MAN2A1: variants seen among roughly 807,000 people sequenced by gnomAD.
The protein encoded by MAN2A1 is mannosidase alpha class 2A member 1, also known as alpha-mannosidase 2.
Under a neutral mutation model 142.6 loss-of-function variants are expected in MAN2A1, and 76 were observed. That is an observed-to-expected ratio of 0.53 (90% CI 0.44 to 0.65). MAN2A1 has a LOEUF of 0.65. Ranked by LOEUF, MAN2A1 falls within the 30% of genes least tolerant of loss-of-function variation. MAN2A1 has a pLI of 0.00. For missense variants in MAN2A1, 1,311 were observed against 1,365.1 expected, an observed-to-expected ratio of 0.96 and a Z score of 0.62; for synonymous variants, 559 against 473.2, an observed-to-expected ratio of 1.18 and a Z score of -2.35.
At chr5:109,725,299 G>A (rs185257446) in intron 3 of MAN2A1, among the ~76,000 whole-genome samples, 217 of 152,316 alleles carry the variant, frequency 1.4e-3, no homozygotes, top group African/African-American at 5.0e-3. Context: ...TGTGTATGGG[G>A]AGAGCCAGCC....
At chr5:109,807,038 T>A in intron 12 of MAN2A1, among the ~76,000 whole-genome samples, 1 of 152,204 alleles carries the variant, frequency 6.6e-6, no homozygotes. Context: ...ACCTTAGCGT[T>A]GAATTTTTTT....
chr5:109,697,193 A>G (rs1354756823), intron 1 of MAN2A1, among the ~76,000 whole-genome samples: 1 of 152,234 alleles, frequency 6.6e-6, no homozygotes, highest in Non-Finnish European at 1.5e-5. Context: ...ATGTTTTGAA[A>G]TGTCTGCAGT....
intron 2 of MAN2A1, 31 bp downstream of exon 2, chr5:109,713,805 C>CGTTT: frequency 1.4e-6 from 2 of 1,385,216 alleles, no homozygotes; most frequent in South Asian, 1.6e-5. Flanking sequence ...TAATCACTGG[C>CGTTT]CTTTTTTTTT....
chr5:109,791,050 G>A (rs571874305), intron 12 of MAN2A1, among the ~76,000 whole-genome samples: 3 of 152,168 alleles, frequency 2.0e-5, no homozygotes, highest in South Asian at 4.1e-4. Flanking sequence ...ATATTGAGGA[G>A]TTTTAACTAC....
At chr5:109,798,439 A>T (rs1246473337) in intron 12 of MAN2A1, among the ~76,000 whole-genome samples, 1 of 152,100 alleles carries the variant, frequency 6.6e-6, no homozygotes, top group Non-Finnish European at 1.5e-5. Flanking sequence ...TAGCAGCTCC[A>T]TTTCACCGTG....
At chr5:109,727,503 T>C (rs1227209147) in intron 3 of MAN2A1, among the ~76,000 whole-genome samples, 1 of 152,192 alleles carries the variant, frequency 6.6e-6, no homozygotes, top group African/African-American at 2.4e-5. Flanking sequence ...CTTCAGCATA[T>C]GACACAGATC....
chr5:109,695,172 A>G (rs1750778091), intron 1 of MAN2A1, among the ~76,000 whole-genome samples: 1 of 152,148 alleles, frequency 6.6e-6, no homozygotes, highest in South Asian at 2.1e-4. Flanking sequence ...ACTGGGCCAG[A>G]TACTCATGAC....
chr5:109,767,193 T>C (rs939638434), intron 5 of MAN2A1, among the ~76,000 whole-genome samples: 1 of 152,198 alleles, frequency 6.6e-6, no homozygotes, highest in African/African-American at 2.4e-5. Context: ...GACTGTGATA[T>C]CCTTCCAGGA....
At chr5:109,758,695 A>G (rs1464729104) in intron 5 of MAN2A1, among the ~76,000 whole-genome samples, 2 of 148,544 alleles carry the variant, frequency 1.3e-5, no homozygotes, top group South Asian at 2.1e-4. Context: ...TATATAGTTA[A>G]TATATAATAG....
At chr5:109,806,266 G>A (rs376563181) in intron 12 of MAN2A1, among the ~76,000 whole-genome samples, 2 of 152,226 alleles carry the variant, frequency 1.3e-5, no homozygotes, top group East Asian at 3.9e-4. Flanking sequence ...ACTCCCTGAC[G>A]GATTGAGTTT....
intron 20 of MAN2A1, among the ~76,000 whole-genome samples, chr5:109,856,719 C>G (rs546268446): frequency 6.6e-6 from 1 of 152,226 alleles, no homozygotes; most frequent in African/African-American, 2.4e-5. Flanking sequence ...TTATGCTTGG[C>G]TATGCAGGCA....
chr5:109,778,973 C>T (rs548733733), intron 8 of MAN2A1, among the ~76,000 whole-genome samples: 2 of 152,068 alleles, frequency 1.3e-5, no homozygotes, highest in Non-Finnish European at 2.9e-5. Flanking sequence ...ATGTGTTGTC[C>T]TGATAGAATT....
intron 3 of MAN2A1, among the ~76,000 whole-genome samples, chr5:109,725,205 G>A (rs934770695): frequency 1.3e-5 from 2 of 152,192 alleles, no homozygotes; most frequent in East Asian, 3.9e-4. Context: ...TTCTCCTCTT[G>A]CCTGGAGAAA....
chr5:109,772,216 A>G (rs763677515), intron 7 of MAN2A1, among the ~76,000 whole-genome samples: 2 of 152,020 alleles, frequency 1.3e-5, no homozygotes, highest in Non-Finnish European at 2.9e-5. Flanking sequence ...GCAACATGGT[A>G]AAACCCCATT....
intron 12 of MAN2A1, among the ~76,000 whole-genome samples, chr5:109,805,943 C>G (rs10063830): frequency 0.085 from 12,870 of 152,196 alleles, 631 homozygotes; most frequent in African/African-American, 0.15. Flanking sequence ...TTTACCACCT[C>G]TTACAGAAAT....
intron 4 of MAN2A1, among the ~76,000 whole-genome samples, chr5:109,746,881 T>C (rs2112614741): frequency 6.6e-6 from 1 of 152,226 alleles, no homozygotes; most frequent in East Asian, 1.9e-4. Context: ...CTTTTCTGTC[T>C]GCCTTACTTC....
intron 7 of MAN2A1, 70 bp from the exon 8 acceptor site, chr5:109,774,718 C>A: frequency 8.8e-7 from 1 of 1,138,610 alleles, no homozygotes; most frequent in Non-Finnish European, 1.3e-6. Flanking sequence ...CCTTTTTAAT[C>A]AATTGTCACA....
intron 3 of MAN2A1, among the ~76,000 whole-genome samples, chr5:109,716,969 A>G (rs1180717818): frequency 1.3e-5 from 2 of 151,688 alleles, no homozygotes; most frequent in Non-Finnish European, 2.9e-5. Flanking sequence ...CCCTGCCAAG[A>G]TGAGGGGAAG....
chr5:109,809,992 A>G (rs753264057), intron 12 of MAN2A1, among the ~76,000 whole-genome samples: 5 of 151,820 alleles, frequency 3.3e-5, no homozygotes, highest in Non-Finnish European at 7.4e-5. Flanking sequence ...TTATTCTGCT[A>G]TTGTTAAAGA....
Sources: gnomAD v4.1 joint callset for allele counts (sites outside exome capture counted in the v4.1 genomes callset) on GRCh38, gnomAD v4.1.1 for gene constraint, MANE v1.5 for transcripts, NCBI Gene and HGNC (gene_info 2026-07-23, HGNC 2026-07-21) for gene names.